ZSWIM6: variants seen among roughly 807,000 people sequenced by gnomAD.
The protein encoded by ZSWIM6 is zinc finger SWIM-type containing 6, also known as zinc finger SWIM domain-containing protein 6.
ZSWIM6 carries 9 observed loss-of-function variants against 113.2 expected under a neutral mutation model. That is an observed-to-expected ratio of 0.08 (90% CI 0.05 to 0.14). The LOEUF (loss-of-function observed/expected upper bound fraction) is 0.14. ZSWIM6 is among the 10% of genes least tolerant of loss of function. ZSWIM6 has a pLI of 1.00. For synonymous variants in ZSWIM6, 611 were observed against 606.5 expected, an observed-to-expected ratio of 1.01 and a Z score of -0.11; for missense variants, 1,162 against 1,552.2, an observed-to-expected ratio of 0.75 and a Z score of 4.22.
chr5:61,434,003 A>G (rs1362356629), intron 1 of ZSWIM6, among the ~76,000 whole-genome samples: 5 of 148,114 alleles, frequency 3.4e-5, no homozygotes, highest in African/African-American at 7.3e-5. Flanking sequence ...TATATGTATA[A>G]TAAAAATATA....
At position 61,544,294 on chromosome 5, in the gene ZSWIM6, T is replaced by C; in HGVS notation, c.3625T>C (p.Leu1209=). 1 of 1,399,864 alleles carries C rather than the reference T, an allele frequency of 7.1e-7. No homozygotes were observed. The highest frequency in any genetic ancestry group is 9.5e-7 in the Non-Finnish European group (1 of 1,056,086). 86.7% of individuals were successfully genotyped at this position (1,399,864 alleles called of 1,614,324 possible). Residue 1209 remains leucine, a synonymous_variant, in exon 14 of 14, where the codon TTG becomes CTG. Coordinates refer to ENST00000252744, the MANE Select transcript of ZSWIM6 (RefSeq NM_020928.2). ...CAAAGGCAAAAAGAAACTGATGATGTTGGTTCGGGAGAGGTTTGGTTGATA... is the reference window on the plus strand; with the variant it reads ...CAAAGGCAAAAAGAAACTGATGATGCTGGTTCGGGAGAGGTTTGGTTGATA... ...IYKGKKKLMM[L]VRERFG
intron 1 of ZSWIM6, among the ~76,000 whole-genome samples, chr5:61,407,047 A>C (rs1434901148): frequency 6.6e-6 from 1 of 152,224 alleles, no homozygotes; most frequent in South Asian, 2.1e-4. Context: ...AGTTTCATTT[A>C]AAAATAACAA....
intron 1 of ZSWIM6, among the ~76,000 whole-genome samples, chr5:61,467,331 G>A (rs923195247): frequency 2.6e-5 from 4 of 152,206 alleles, no homozygotes; most frequent in African/African-American, 9.6e-5. Context: ...AGTGAACAGG[G>A]TGACATTGTT....
chr5:61,338,205 T>C (rs969331025), intron 1 of ZSWIM6, among the ~76,000 whole-genome samples: 9 of 151,772 alleles, frequency 5.9e-5, no homozygotes, highest in Non-Finnish European at 1.2e-4. Flanking sequence ...TAAAAGAACA[T>C]TATTAGAATT....
chr5:61,506,850 A>G (rs373016554), intron 4 of ZSWIM6, among the ~76,000 whole-genome samples: 1 of 152,352 alleles, frequency 6.6e-6, no homozygotes, highest in East Asian at 1.9e-4. Flanking sequence ...GAGAACAAAA[A>G]TAAATATGAT....
intron 1 of ZSWIM6, among the ~76,000 whole-genome samples, chr5:61,378,678 C>T (rs1376496890): frequency 6.6e-6 from 1 of 152,110 alleles, no homozygotes; most frequent in African/African-American, 2.4e-5. Flanking sequence ...GCCTCAGCCT[C>T]CCAAGTAGGT....
chr5:61,370,324 A>G (rs1745240470), intron 1 of ZSWIM6, among the ~76,000 whole-genome samples: 1 of 152,256 alleles, frequency 6.6e-6, no homozygotes, highest in African/African-American at 2.4e-5. Flanking sequence ...GATACTGGGA[A>G]ATGGGAAAAG....
At chr5:61,477,084 A>T (rs1467230079) in intron 2 of ZSWIM6, among the ~76,000 whole-genome samples, 3 of 152,214 alleles carry the variant, frequency 2.0e-5, no homozygotes, top group Admixed American at 1.3e-4. Flanking sequence ...ATTGGAGGTC[A>T]GATTGCTTTC....
chr5:61,534,307 GT>G (rs1749519027), intron 9 of ZSWIM6, among the ~76,000 whole-genome samples: 3 of 152,104 alleles, frequency 2.0e-5, no homozygotes, highest in Non-Finnish European at 2.9e-5. Context: ...TGATTTTAAA[GT>G]ACTTAAATAA....
At chr5:61,465,300 C>T (rs956941768) in intron 1 of ZSWIM6, among the ~76,000 whole-genome samples, 2 of 152,072 alleles carry the variant, frequency 1.3e-5, no homozygotes, top group African/African-American at 4.8e-5. Context: ...TGATTGTTTC[C>T]CTTAAGTATG....
intron 1 of ZSWIM6, among the ~76,000 whole-genome samples, chr5:61,342,946 G>T (rs914585234): frequency 6.6e-6 from 1 of 152,134 alleles, no homozygotes; most frequent in Non-Finnish European, 1.5e-5. Context: ...GAGGATGGTT[G>T]TGTTGGGTGA....
At chr5:61,404,009 A>AT (rs61133998) in intron 1 of ZSWIM6, among the ~76,000 whole-genome samples, 2,567 of 143,970 alleles carry the variant, frequency 0.018, 28 homozygotes, top group African/African-American at 0.033. Context: ...TAAAAAAGTA[A>AT]TTTTTTTTTT....
At chr5:61,389,090 A>C (rs1745647782) in intron 1 of ZSWIM6, among the ~76,000 whole-genome samples, 1 of 152,164 alleles carries the variant, frequency 6.6e-6, no homozygotes, top group Admixed American at 6.5e-5. Context: ...ACCACGTGCC[A>C]GTGGAATTTT....
chr5:61,498,653 T>C (rs750295017), intron 4 of ZSWIM6, among the ~76,000 whole-genome samples: 19 of 152,174 alleles, frequency 1.2e-4, no homozygotes, highest in Non-Finnish European at 2.4e-4. Flanking sequence ...CCTTTGAGAC[T>C]ATATTTTTTG....
chr5:61,332,794 CG>C lies in ZSWIM6; in HGVS notation c.523del (p.Ala175ProfsTer45). 1.7e-6 allele frequency: 1 copy of C among 591,706 alleles called. No individual in the cohort carries two copies. The highest frequency in any genetic ancestry group is 2.1e-6 in the Non-Finnish European group (1 of 479,576). The allele number at this position is 591,706 out of a possible 1,614,324, so 36.7% of individuals were successfully genotyped here. A position where few individuals can be genotyped will look rare whatever the true frequency, so the allele number is the denominator to read the frequency against. ...CAACCTCGGCCGCCGCCGCCGCTGCCGCCGCCGCCGCCGCCGCCGCCGCCGC... is the reference window on the plus strand; with the variant it reads ...CAACCTCGGCCGCCGCCGCCGCTGCCCCGCCGCCGCCGCCGCCGCCGCCGC... ...AATSAAAAAAAAAAAAAAAAG... is the reference protein window; with the variant it reads ...AATSAAAAAAXAAAAAAAAAG... On this transcript the variant is annotated frameshift_variant, in exon 1 of 14. Transcript: ENST00000252744. LOFTEE classifies it high-confidence loss of function.
At chr5:61,448,956 G>T (rs1334530692) in intron 1 of ZSWIM6, among the ~76,000 whole-genome samples, 1 of 152,146 alleles carries the variant, frequency 6.6e-6, no homozygotes, top group African/African-American at 2.4e-5. Context: ...AGAACCTGCT[G>T]GCAAACCTCA....
In ZSWIM6 at chr5:61,544,518, CTTTAT is replaced by C. The variant is rs916233043; in HGVS notation, c.*208_*212del. 22 of 293,748 alleles carry C rather than the reference CTTTAT, an allele frequency of 7.5e-5. No individual in the cohort carries two copies. The highest frequency in any genetic ancestry group is 1.3e-4 in the South Asian group (1 of 7,702). 18.2% of individuals were successfully genotyped at this position (293,748 alleles called of 1,614,324 possible). The stretch of plus-strand genomic sequence containing the variant: ...TATTTTTTCCCTATTTCTTTCTTTC[CTTTAT>C]TTTATTATTTTTTTTAATTTTTTTT... On this transcript the variant is annotated 3_prime_UTR_variant, in exon 14 of 14. Coordinates refer to ENST00000252744, the MANE Select transcript of ZSWIM6 (RefSeq NM_020928.2).
chr5:61,369,838 TA>T (rs1207475177), intron 1 of ZSWIM6, among the ~76,000 whole-genome samples: 1 of 152,232 alleles, frequency 6.6e-6, no homozygotes, highest in Non-Finnish European at 1.5e-5. Flanking sequence ...ATGATTTTTT[TA>T]TCTAATGATG....
At chr5:61,399,427 C>G (rs940766149) in intron 1 of ZSWIM6, among the ~76,000 whole-genome samples, 15 of 152,160 alleles carry the variant, frequency 9.9e-5, no homozygotes, top group African/African-American at 3.4e-4. Flanking sequence ...GATTCCATCT[C>G]TGTCTTTTGA....
Sources: gnomAD v4.1 joint callset for allele counts (sites outside exome capture counted in the v4.1 genomes callset) on GRCh38, gnomAD v4.1.1 for gene constraint, MANE v1.5 for transcripts, NCBI Gene and HGNC (gene_info 2026-07-23, HGNC 2026-07-21) for gene names.